Variants in IQCE observed in about 807,000 individuals in gnomAD.
IQCE encodes IQ motif containing E, also known as IQ domain-containing protein E.
A neutral mutation model predicts 96.0 loss-of-function variants in IQCE; 115 were observed. The observed-to-expected ratio is 1.20, with a 90% CI of 1.03 to 1.40. The LOEUF (loss-of-function observed/expected upper bound fraction) is 1.40, where lower values mean the gene tolerates loss of function less well. Among genes scored for constraint, IQCE ranks in the 40% most tolerant of loss-of-function variants. The probability of loss-of-function intolerance (pLI) is 0.00; values close to 1 mark genes in which losing one functional copy is unlikely to be tolerated. For synonymous variants in IQCE, 412 were observed against 371.2 expected (o/e 1.11, Z -1.26); for missense variants, 1,041 against 909.1 (o/e 1.15, Z -1.87).
intron 11 of IQCE, 89 bp downstream of exon 11, chr7:2,584,374 G>A (rs539398200): frequency 1.0e-5 from 12 of 1,199,272 alleles, no homozygotes; most frequent in Admixed American, 1.7e-5. Flanking sequence ...ACGTGGGTGC[G>A]GCATATACTG....
intron 21 of IQCE, among the ~76,000 whole-genome samples, chr7:2,609,192 A>G (rs918404935): frequency 6.6e-6 from 1 of 152,034 alleles, no homozygotes; most frequent in Non-Finnish European, 1.5e-5. Flanking sequence ...AACGCTCTAG[A>G]TGCTTAGGAA....
At chr7:2,586,176 G>A in intron 11 of IQCE, 32 bp from the exon 12 acceptor site, 4 of 1,598,288 alleles carry the variant, frequency 2.5e-6, no homozygotes, top group Non-Finnish European at 3.4e-6. Flanking sequence ...GCTTAGCAAT[G>A]CAAACCTCAG....
At chr7:2,567,286 T>C in intron 2 of IQCE, 123 bp downstream of exon 2, 1 of 763,712 alleles carries the variant, frequency 1.3e-6, no homozygotes, top group Non-Finnish European at 2.3e-6. Flanking sequence ...GAATGCATAT[T>C]CCGAATGCTC....
intron 17 of IQCE, among the ~76,000 whole-genome samples, chr7:2,598,978 C>G (rs1784253959): frequency 6.6e-6 from 1 of 152,212 alleles, no homozygotes; most frequent in Non-Finnish European, 1.5e-5. Context: ...GGGCTGCCAG[C>G]AGTTTTACAT....
In IQCE at chr7:2,578,348, C is replaced by T. The variant is rs1402610294; in HGVS notation, c.572C>T (p.Pro191Leu). 5 of 1,613,598 alleles carry T rather than the reference C, an allele frequency of 3.1e-6. No homozygotes were observed. The highest frequency in any genetic ancestry group is 2.7e-5 in the African/African-American group (2 of 75,040). ...KDRQIEQLLD[P>L]SRGTDFVRTL... ...CGGCAGATAGAGCAGCTCCTGGATCCCAGCCGCGTAAGCTCCTGGCGCTTC... is the reference window on the plus strand; with the variant it reads ...CGGCAGATAGAGCAGCTCCTGGATCTCAGCCGCGTAAGCTCCTGGCGCTTC... Residue 191 changes from proline (P) to leucine (L), a missense_variant, in exon 7 of 22, where the codon CCC becomes CTC. Physicochemically the swap from Pro to Leu is moderately conservative, Grantham distance 98 (BLOSUM62 -3). Coordinates refer to ENST00000402050, the MANE Select transcript of IQCE (RefSeq NM_152558.5).
intron 8 of IQCE, among the ~76,000 whole-genome samples, chr7:2,581,043 C>T (rs1782626312): frequency 6.6e-6 from 1 of 151,966 alleles, no homozygotes; most frequent in Non-Finnish European, 1.5e-5. Context: ...CGGGGTTTCA[C>T]CGTGTTAGCC....
intron 16 of IQCE, among the ~76,000 whole-genome samples, chr7:2,597,812 G>C (rs976078380): frequency 1.3e-5 from 2 of 152,012 alleles, no homozygotes; most frequent in African/African-American, 4.8e-5. Context: ...GACCACAGTG[G>C]TGTGCCACCA....
intron 2 of IQCE, among the ~76,000 whole-genome samples, chr7:2,567,986 T>C (rs1781504308): frequency 6.6e-6 from 1 of 152,226 alleles, no homozygotes; most frequent in Non-Finnish European, 1.5e-5. Context: ...TCAATGTTTC[T>C]GCTGGAGGGG....
At chr7:2,608,964 C>T (rs16870563) in intron 21 of IQCE, among the ~76,000 whole-genome samples, 44,526 of 152,140 alleles carry the variant, frequency 0.29, 6,935 homozygotes, top group East Asian at 0.45. Context: ...ACAGTATCTG[C>T]GGCATGGCCG....
At chr7:2,606,287 A>C (rs1275552337) in intron 20 of IQCE, among the ~76,000 whole-genome samples, 2 of 152,176 alleles carry the variant, frequency 1.3e-5, no homozygotes, top group African/African-American at 2.4e-5. Flanking sequence ...CACACCGTGT[A>C]GCTCAGGTCA....
intron 21 of IQCE, among the ~76,000 whole-genome samples, chr7:2,608,323 C>T (rs571129961): frequency 3.3e-5 from 5 of 152,266 alleles, no homozygotes; most frequent in African/African-American, 7.2e-5. Flanking sequence ...ACCTGGAGCC[C>T]GAGAGCCTTC....
intron 9 of IQCE, 109 bp from the exon 10 acceptor site, chr7:2,583,528 G>T: frequency 1.6e-6 from 1 of 642,328 alleles, no homozygotes. Flanking sequence ...CCCATCCTGG[G>T]TCTTTTCCAA....
In IQCE at chr7:2,607,664, C is replaced by G. The variant is rs1300437871; in HGVS notation, c.1969+437C>G. 6 of 592,894 alleles carry G rather than the reference C, an allele frequency of 1.0e-5. No homozygotes were observed. The African/African-American group carries it at 1.4e-4, about 14-fold the overall frequency. The allele number at this position is 592,894 out of a possible 1,614,324, so 36.7% of individuals were successfully genotyped here. On this transcript the variant is annotated intron_variant, in intron 21 of 21. Transcript: ENST00000402050. ...TCATCCCTGCTCTGCCCGGAGCTGA[C>G]GGGGATGCCCCAGCAGGCCCTGCCT... is the stretch of plus-strand genomic sequence containing the variant.
chr7:2,577,681 C>T (rs1276735164), intron 6 of IQCE, among the ~76,000 whole-genome samples: 1 of 75,644 alleles, frequency 1.3e-5, no homozygotes, highest in African/African-American at 5.6e-5. Flanking sequence ...GTGTGTGCGG[C>T]GTGCACGCAT....
intron 1 of IQCE, among the ~76,000 whole-genome samples, chr7:2,560,890 G>C (rs1583370434): frequency 6.7e-6 from 1 of 148,390 alleles, no homozygotes; most frequent in African/African-American, 2.5e-5. Context: ...CCAGGAGGTG[G>C]AGCTTGCAGC....
chr7:2,564,128 CT>C (rs1343795330), intron 1 of IQCE, among the ~76,000 whole-genome samples: 1 of 151,868 alleles, frequency 6.6e-6, no homozygotes, highest in African/African-American at 2.4e-5. Context: ...AGGAGAATTG[CT>C]TTAAGCTGGG....
intron 12 of IQCE, 74 bp downstream of exon 12, chr7:2,586,445 G>C: frequency 6.8e-7 from 1 of 1,464,510 alleles, no homozygotes; most frequent in South Asian, 1.3e-5. Flanking sequence ...CCACTGGGTA[G>C]GCCCAACTGA....
intron 1 of IQCE, among the ~76,000 whole-genome samples, chr7:2,565,765 C>CTT (rs1781325283): frequency 6.6e-6 from 1 of 152,156 alleles, no homozygotes. Flanking sequence ...CTGTTTATGT[C>CTT]TTAAAAGGTC....
At chr7:2,581,277 C>T (rs1198297159) in intron 8 of IQCE, among the ~76,000 whole-genome samples, 1 of 152,046 alleles carries the variant, frequency 6.6e-6, no homozygotes, top group Non-Finnish European at 1.5e-5. Flanking sequence ...GAGATCTCGA[C>T]TCACTGCACC....
Sources: gnomAD v4.1 joint callset for allele counts (sites outside exome capture counted in the v4.1 genomes callset) on GRCh38, gnomAD v4.1.1 for gene constraint, MANE v1.5 for transcripts, NCBI Gene and HGNC (gene_info 2026-07-23, HGNC 2026-07-21) for gene names.